C6: variants seen among roughly 807,000 people sequenced by gnomAD.
The protein encoded by C6 is complement C6.
C6 carries 101 observed loss-of-function variants against 112.9 expected under a neutral mutation model. That is an observed-to-expected ratio of 0.89 (90% CI 0.76 to 1.06). The LOEUF (loss-of-function observed/expected upper bound fraction) is 1.06, where lower values mean the gene tolerates loss of function less well. Among genes scored for constraint, C6 ranks in the 50% least tolerant of loss-of-function variants. The pLI, the probability that C6 is intolerant of heterozygous loss-of-function variation, is 0.00. For synonymous variants in C6, 431 were observed against 384.1 expected, an observed-to-expected ratio of 1.12 and a Z score of -1.43; for missense variants, 1,202 against 1,104.6, an observed-to-expected ratio of 1.09 and a Z score of -1.25.
Position 41,176,515 on chromosome 5 carries a change from G to A in C6, c.1128C>T (p.Asp376=), listed in dbSNP as rs1002436312. 6.2e-7 allele frequency: 1 copy of A among 1,613,756 alleles called. No individual in the cohort carries two copies. Among genetic ancestry groups the A allele is most frequent in the Non-Finnish European group, 8.5e-7 (1 of 1,179,806 alleles). The part of the protein sequence containing the change: ...FTSGSLGGVY[D]LLYQFSSEEL... Reference sequence around the variant, plus strand: ...CCTCACTGCTAAACTGATAGAGAAGGTCATACACGCCTCCCAGGGAGCCAG... The same window carrying A: ...CCTCACTGCTAAACTGATAGAGAAGATCATACACGCCTCCCAGGGAGCCAG... Residue 376 remains aspartate, a synonymous_variant, in exon 8 of 18, where the codon GAC becomes GAT. Transcript: ENST00000337836.
At chr5:41,152,319 G>T (rs145251228) in intron 15 of C6, among the ~76,000 whole-genome samples, 2 of 152,126 alleles carry the variant, frequency 1.3e-5, no homozygotes, top group Non-Finnish European at 2.9e-5. Flanking sequence ...GTGTATTTAT[G>T]AAAGAGGGAA....
intron 1 of C6, among the ~76,000 whole-genome samples, chr5:41,225,687 G>C (rs1397436922): frequency 6.6e-6 from 1 of 152,176 alleles, no homozygotes. Context: ...CCCACCAACA[G>C]TGTAAAAGTG....
intron 5 of C6, among the ~76,000 whole-genome samples, chr5:41,194,718 A>C (rs1273000849): frequency 7.6e-6 from 1 of 131,844 alleles, no homozygotes; most frequent in African/African-American, 2.7e-5. Context: ...GATTATCTTT[A>C]CTGATTTTTT....
chr5:41,209,872 G>A (rs1420162468), intron 1 of C6, among the ~76,000 whole-genome samples: 1 of 152,004 alleles, frequency 6.6e-6, no homozygotes, highest in Non-Finnish European at 1.5e-5. Context: ...ACTACTTTAA[G>A]GTTCATATGG....
chr5:41,170,457 A>G (rs1003825724), intron 9 of C6, among the ~76,000 whole-genome samples: 19 of 151,930 alleles, frequency 1.3e-4, no homozygotes, highest in East Asian at 5.8e-4. Flanking sequence ...TGATTTATTG[A>G]ACTCATATTC....
intron 1 of C6, among the ~76,000 whole-genome samples, chr5:41,260,865 G>A (rs961240013): frequency 6.6e-6 from 1 of 151,948 alleles, no homozygotes; most frequent in African/African-American, 2.4e-5. Flanking sequence ...GATACTGTGG[G>A]TAAGGAGAAA....
chr5:41,196,663 C>T (rs1750645428), intron 4 of C6, among the ~76,000 whole-genome samples: 1 of 150,960 alleles, frequency 6.6e-6, no homozygotes, highest in African/African-American at 2.4e-5. Flanking sequence ...TATCTACTAT[C>T]TATTTTACTA....
intron 1 of C6, among the ~76,000 whole-genome samples, chr5:41,219,349 C>T (rs557455529): frequency 1.4e-4 from 21 of 152,186 alleles, no homozygotes; most frequent in African/African-American, 4.3e-4. Context: ...AGTGGGGAGA[C>T]TGAGAAAGAA....
intron 1 of C6, among the ~76,000 whole-genome samples, chr5:41,223,924 C>A (rs193114940): frequency 6.6e-6 from 1 of 152,074 alleles, no homozygotes; most frequent in East Asian, 1.9e-4. Flanking sequence ...TTTTCATTGT[C>A]ATTCTAGATA....
chr5:41,258,340 T>C (rs1741844877), intron 1 of C6, among the ~76,000 whole-genome samples: 1 of 152,234 alleles, frequency 6.6e-6, no homozygotes, highest in Admixed American at 6.5e-5. Context: ...CAATTGTTTT[T>C]TGTTTTTATT....
chr5:41,234,386 A>T (rs1411775776), intron 1 of C6, among the ~76,000 whole-genome samples: 2 of 140,108 alleles, frequency 1.4e-5, no homozygotes, highest in South Asian at 2.3e-4. Flanking sequence ...TGCTTGGAAG[A>T]TGTTGCATAA....
intron 7 of C6, among the ~76,000 whole-genome samples, chr5:41,177,434 A>G (rs1054535420): frequency 2.6e-5 from 4 of 152,094 alleles, no homozygotes; most frequent in Admixed American, 6.6e-5. Context: ...TTAAAATCTC[A>G]TTTCCTCAGA....
At chr5:41,181,163 A>T (rs1580128979) in intron 7 of C6, among the ~76,000 whole-genome samples, 196 bp downstream of exon 7, 1 of 152,148 alleles carries the variant, frequency 6.6e-6, no homozygotes, top group African/African-American at 2.4e-5. Context: ...AAATGCATGC[A>T]AAATGGAACC....
intron 1 of C6, among the ~76,000 whole-genome samples, chr5:41,250,156 C>A (rs1302997505): frequency 6.6e-6 from 1 of 152,156 alleles, no homozygotes; most frequent in African/African-American, 2.4e-5. Flanking sequence ...CAGCGTCACA[C>A]CCTATTTAAC....
chr5:41,229,082 T>G (rs13171417), intron 1 of C6, among the ~76,000 whole-genome samples: 1 of 151,890 alleles, frequency 6.6e-6, no homozygotes, highest in Non-Finnish European at 1.5e-5. Context: ...GCCACTGCAC[T>G]CCAGCTTGGG....
chr5:41,230,951 T>G (rs1161421795), intron 1 of C6, among the ~76,000 whole-genome samples: 1 of 152,204 alleles, frequency 6.6e-6, no homozygotes, highest in East Asian at 1.9e-4. Flanking sequence ...ATCTTTTTGA[T>G]GGATTAACCA....
intron 1 of C6, among the ~76,000 whole-genome samples, chr5:41,233,969 T>A (rs1740071062): frequency 6.6e-6 from 1 of 152,108 alleles, no homozygotes; most frequent in Non-Finnish European, 1.5e-5. Flanking sequence ...CACAAATATT[T>A]CTGTTTCCAT....
intron 9 of C6, among the ~76,000 whole-genome samples, chr5:41,168,932 G>T (rs1748198078): frequency 6.6e-6 from 1 of 152,146 alleles, no homozygotes; most frequent in Non-Finnish European, 1.5e-5. Context: ...CAAGCAAGTA[G>T]TTCCTTAGTA....
At chr5:41,228,432 A>G (rs972925439) in intron 1 of C6, among the ~76,000 whole-genome samples, 32 of 152,152 alleles carry the variant, frequency 2.1e-4, no homozygotes, top group African/African-American at 7.7e-4. Context: ...TTCCTTTCCC[A>G]TTTGGATATC....
Sources: allele counts gnomAD v4.1 joint callset (sites outside exome capture counted in the v4.1 genomes callset), GRCh38; gene constraint gnomAD v4.1.1; transcripts MANE v1.5; gene names NCBI Gene and HGNC (gene_info 2026-07-23, HGNC 2026-07-21).